Variants in GTF2F1 observed in about 807,000 individuals in gnomAD.
The protein encoded by GTF2F1 is general transcription factor IIF 74 kDa subunit.
GTF2F1 carries 39 observed loss-of-function variants against 63.5 expected under a neutral mutation model. The ratio of observed to expected loss-of-function variants is 0.61; its 90% confidence interval spans 0.48 to 0.80. The LOEUF (loss-of-function observed/expected upper bound fraction) is 0.80, where lower values mean the gene tolerates loss of function less well. GTF2F1 is among the 30% of genes least tolerant of loss of function. The probability of loss-of-function intolerance (pLI) is 0.00; values close to 1 mark genes in which losing one functional copy is unlikely to be tolerated. For synonymous variants in GTF2F1, 287 were observed against 285.3 expected (o/e 1.01, Z -0.06); for missense variants, 657 against 718.3 (o/e 0.91, Z 0.97).
rs1367859185 is a variant in GTF2F1 at position 6,381,099 on chromosome 19, C to T, written c.1092+23G>A. The T allele has an allele frequency of 2.5e-6, 4 of 1,608,116 alleles. No individual in the cohort carries two copies. The East Asian group carries it at 9.0e-5, about 36-fold the overall frequency. Reference sequence around the variant, plus strand: ...TCTGCAAACAGACGCCCAGGCCTCCCCCGCCACCGGGCTGGGCCTTACCGC... The same window carrying T: ...TCTGCAAACAGACGCCCAGGCCTCCTCCGCCACCGGGCTGGGCCTTACCGC... On this transcript the variant is annotated intron_variant, in intron 10 of 12. Transcript: ENST00000394456. This position sits in a 1 kb window ranked among gnomAD's most constrained non-coding sequence, Gnocchi z 4.1.
chr19:6,392,134 C>A (rs2145085315), intron 2 of GTF2F1, 160 bp from the exon 3 acceptor site: 1 of 674,422 alleles, frequency 1.5e-6, no homozygotes, highest in Non-Finnish European at 2.8e-6. Context: ...TCAATTGAAC[C>A]ATTAATTCAA....
chr19:6,385,453 A>G (rs943127935), intron 5 of GTF2F1, among the ~76,000 whole-genome samples: 1 of 150,962 alleles, frequency 6.6e-6, no homozygotes, highest in Non-Finnish European at 1.5e-5. Flanking sequence ...GTTAACATCC[A>G]GGTTTTACAC....
In GTF2F1 at chr19:6,387,381, C is replaced by G; in HGVS notation, c.497+8G>C. The G allele has an allele frequency of 6.2e-7, 1 of 1,613,448 alleles. No homozygotes were observed. The highest frequency in any genetic ancestry group is 8.5e-7 in the Non-Finnish European group (1 of 1,179,484). Reference sequence around the variant, plus strand: ...CTTCTGTCCCCAGCCACCACCCAGCCCACTCACCTCTCCCACTCCTCCTCG... The same window carrying G: ...CTTCTGTCCCCAGCCACCACCCAGCGCACTCACCTCTCCCACTCCTCCTCG... On this transcript the variant is annotated splice_region_variant and intron_variant, in intron 5 of 12. Coordinates refer to ENST00000394456, the MANE Select transcript of GTF2F1 (RefSeq NM_002096.3).
intron 2 of GTF2F1, 87 bp from the exon 3 acceptor site, chr19:6,392,061 C>A: frequency 1.4e-6 from 1 of 719,764 alleles, no homozygotes. Context: ...ACCATTAATT[C>A]AATCAACCAC....
At chr19:6,387,822 G>C (rs141688998) in intron 4 of GTF2F1, among the ~76,000 whole-genome samples, 2,057 of 150,856 alleles carry the variant, frequency 0.014, 136 homozygotes, top group Middle Eastern at 0.048. Context: ...TATCTCAGGA[G>C]AGCCCAACCC....
chr19:6,381,655 G>C lies in GTF2F1; in HGVS notation c.837-40C>G, dbSNP rs765262160. On this transcript the variant is annotated intron_variant, in intron 7 of 12. Transcript: ENST00000394456. This position sits in a 1 kb window ranked among gnomAD's most constrained non-coding sequence, Gnocchi z 4.1. The stretch of plus-strand genomic sequence containing the variant: ...TGGCAAAGGATGAGCGCGCGCTCGC[G>C]AGGCTGCATGGGGTCTCGCAGGCGC... 3 of 1,614,030 alleles carry C rather than the reference G, an allele frequency of 1.9e-6. No homozygotes were observed. The highest frequency in any genetic ancestry group is 2.5e-6 in the Non-Finnish European group (3 of 1,180,022).
intron 2 of GTF2F1, 73 bp from the exon 3 acceptor site, chr19:6,392,047 T>G: frequency 1.3e-6 from 1 of 786,138 alleles, no homozygotes; most frequent in Non-Finnish European, 2.2e-6. Flanking sequence ...GTCAATGCTA[T>G]TGAACCATTA....
chr19:6,392,400 G>C (rs1169664845), intron 2 of GTF2F1: 1 of 481,156 alleles, frequency 2.1e-6, no homozygotes, highest in African/African-American at 2.0e-5. Context: ...AGGACAGGCA[G>C]GGAGTATTTC....
intron 4 of GTF2F1, among the ~76,000 whole-genome samples, chr19:6,388,674 G>A (rs1463470452): frequency 6.6e-6 from 1 of 152,198 alleles, no homozygotes; most frequent in African/African-American, 2.4e-5. Flanking sequence ...CAGGGCCTGG[G>A]CAGTGGCTCA....
chr19:6,390,270 A>G (rs10401986), intron 3 of GTF2F1: 51,619 of 151,610 alleles, frequency 0.34, 13,640 homozygotes, highest in African/African-American at 0.74. Context: ...AAAAAAGGCC[A>G]GGCGCGGTGG....
chr19:6,383,572 G>C lies in GTF2F1; in HGVS notation c.498-77C>G, dbSNP rs926947298. 8.7e-6 allele frequency: 13 copies of C among 1,486,498 alleles called. No individual in the cohort carries two copies. Among genetic ancestry groups the C allele is most frequent in the Non-Finnish European group, 1.2e-5 (13 of 1,082,154 alleles). 92.1% of individuals were successfully genotyped at this position (1,486,498 alleles called of 1,614,324 possible). ...CTGTGCTTGCAGGGGGCGAGCCCCA[G>C]GGCACCACCCACATAGCCTTCAAGG... On this transcript the variant is annotated intron_variant, in intron 5 of 12. Coordinates refer to ENST00000394456, the MANE Select transcript of GTF2F1 (RefSeq NM_002096.3). This position sits in a 1 kb window ranked among gnomAD's most constrained non-coding sequence, Gnocchi z 4.5.
Position 6,380,888 on chromosome 19 carries a change from G to T in GTF2F1, c.1231+16C>A. ...TGGCTGTGGCTGTGGGGAGCGGGGA[G>T]GCCACGGGCACTCACCTTGCTCGAG... On this transcript the variant is annotated intron_variant, in intron 11 of 12. Coordinates refer to ENST00000394456, the MANE Select transcript of GTF2F1 (RefSeq NM_002096.3). This position sits in a 1 kb window ranked among gnomAD's most constrained non-coding sequence, Gnocchi z 5.3. 1 of 1,541,258 alleles carries T rather than the reference G, an allele frequency of 6.5e-7. No individual in the cohort carries two copies.
chr19:6,385,507 C>T (rs948250182), intron 5 of GTF2F1, among the ~76,000 whole-genome samples: 21 of 150,988 alleles, frequency 1.4e-4, no homozygotes, highest in Admixed American at 6.6e-5. Flanking sequence ...ACTTACAAAG[C>T]AGATTCTAAG....
chr19:6,393,058 G>C lies in GTF2F1; in HGVS notation c.-63C>G. On this transcript the variant is annotated 5_prime_UTR_variant, in exon 1 of 13. Coordinates refer to ENST00000394456, the MANE Select transcript of GTF2F1 (RefSeq NM_002096.3). ...GTTCCTTTCGTCTCCTCTGGCGTGC[G>C]CGTCCCTCGATCCCGGGGAAGCCGC... 6.2e-7 allele frequency: 1 copy of C among 1,605,936 alleles called. No individual in the cohort carries two copies. Among genetic ancestry groups the C allele is most frequent in the South Asian group, 1.1e-5 (1 of 90,884 alleles).
chr19:6,382,380 C>T (rs2091956413), intron 6 of GTF2F1, among the ~76,000 whole-genome samples: 1 of 152,096 alleles, frequency 6.6e-6, no homozygotes, highest in Admixed American at 6.5e-5. Flanking sequence ...GCCTGTAATC[C>T]CAGCACTTTA....
At chr19:6,389,366 C>A (rs953527618) in intron 4 of GTF2F1, 78 bp downstream of exon 4, 1 of 1,300,676 alleles carries the variant, frequency 7.7e-7, no homozygotes, top group Non-Finnish European at 1.1e-6. Flanking sequence ...AGAGAGGGTA[C>A]CCCACAAAGT....
Position 6,383,574 on chromosome 19 carries a change from G to T in GTF2F1, c.498-79C>A. 1 of 1,476,122 alleles carries T rather than the reference G, an allele frequency of 6.8e-7. No homozygotes were observed. The highest frequency in any genetic ancestry group is 9.3e-7 in the Non-Finnish European group (1 of 1,073,842). 91.4% of individuals were successfully genotyped at this position (1,476,122 alleles called of 1,614,324 possible). ...GTGCTTGCAGGGGGCGAGCCCCAGG[G>T]CACCACCCACATAGCCTTCAAGGTG... is the stretch of plus-strand genomic sequence containing the variant. On this transcript the variant is annotated intron_variant, in intron 5 of 12. Coordinates refer to ENST00000394456, the MANE Select transcript of GTF2F1 (RefSeq NM_002096.3). This position sits in a 1 kb window ranked among gnomAD's most constrained non-coding sequence, Gnocchi z 4.5.
At chr19:6,390,657 A>AAGGCTGAAC (rs2091993328) in intron 3 of GTF2F1, among the ~76,000 whole-genome samples, 1 of 151,452 alleles carries the variant, frequency 6.6e-6, no homozygotes, top group Non-Finnish European at 1.5e-5. Context: ...AGGCGGGTGG[A>AAGGCTGAAC]TCACTTGAGG....
chr19:6,389,798 G>T, intron 3 of GTF2F1, 161 bp from the exon 4 acceptor site: 1 of 590,052 alleles, frequency 1.7e-6, no homozygotes, highest in Non-Finnish European at 3.0e-6. Context: ...TGACAAATCT[G>T]GGTAAAGGGA....
Sources: gnomAD v4.1 joint callset for allele counts (sites outside exome capture counted in the v4.1 genomes callset) on GRCh38, gnomAD v4.1.1 for gene constraint, Gnocchi (gnomAD v3.1) non-coding constraint, MANE v1.5 for transcripts, NCBI Gene and HGNC (gene_info 2026-07-23, HGNC 2026-07-21) for gene names.